CACNA1E: variants seen among roughly 807,000 people sequenced by gnomAD.
CACNA1E encodes voltage-dependent R-type calcium channel subunit alpha-1E.
CACNA1E carries 40 observed loss-of-function variants against 259.2 expected under a neutral mutation model. That is an observed-to-expected ratio of 0.15 (90% CI 0.12 to 0.20). The LOEUF (loss-of-function observed/expected upper bound fraction) is 0.20. Ranked by LOEUF, CACNA1E falls within the 10% of genes least tolerant of loss-of-function variation. The pLI is 1.00. For synonymous variants in CACNA1E, 1,104 were observed against 1,138.5 expected, an observed-to-expected ratio of 0.97 and a Z score of 0.61; for missense variants, 1,874 against 3,040.1, an observed-to-expected ratio of 0.62 and a Z score of 9.02.
intron 25 of CACNA1E, among the ~76,000 whole-genome samples, chr1:181,750,096 A>T (rs544580023): frequency 9.8e-4 from 150 of 152,402 alleles, no homozygotes; most frequent in African/African-American, 3.6e-3. Flanking sequence ...TTGTCTGAAG[A>T]CTGCATAGGA....
At chr1:181,687,884 T>C (rs2102304356) in intron 7 of CACNA1E, among the ~76,000 whole-genome samples, 1 of 152,332 alleles carries the variant, frequency 6.6e-6, no homozygotes, top group Admixed American at 6.5e-5. Flanking sequence ...GAGTCAGAAC[T>C]TGAAACCACC....
chr1:181,438,121 C>T (rs1660212954), intron 2 of CACNA1E, among the ~76,000 whole-genome samples: 1 of 152,130 alleles, frequency 6.6e-6, no homozygotes, highest in South Asian at 2.1e-4. Context: ...GAATGGTGGC[C>T]ATACTCCCTT....
chr1:181,481,305 T>C (rs969461107), upstream of CACNA1E, among the ~76,000 whole-genome samples: 4 of 151,634 alleles, frequency 2.6e-5, no homozygotes, highest in African/African-American at 9.7e-5. Context: ...GTTGAGACCA[T>C]TCCTTTGGAT....
chr1:181,772,868 T>C (rs191501166), intron 37 of CACNA1E, among the ~76,000 whole-genome samples: 31 of 152,326 alleles, frequency 2.0e-4, no homozygotes, highest in African/African-American at 7.5e-4. Flanking sequence ...TACCCACCTA[T>C]AAAGTGGTGG....
At position 181,799,021 on chromosome 1, in the gene CACNA1E, C is replaced by A. The variant is rs1454964367; in HGVS notation, c.*187C>A. The A allele has an allele frequency of 2.0e-6, 1 of 509,924 alleles. No homozygotes were observed. Among genetic ancestry groups the A allele is most frequent in the Non-Finnish European group, 3.3e-6 (1 of 302,974 alleles). 31.6% of individuals were successfully genotyped at this position (509,924 alleles called of 1,614,324 possible). A position where few individuals can be genotyped will look rare whatever the true frequency, so the allele number is the denominator to read the frequency against. On this transcript the variant is annotated 3_prime_UTR_variant, in exon 48 of 48. Transcript: ENST00000367573. ...GTCAAACCCACCAAATTGCTTTATT[C>A]CCCTTTGCAAGATGGGCACTGCCAT... is the stretch of plus-strand genomic sequence containing the variant.
intron 6 of CACNA1E, among the ~76,000 whole-genome samples, chr1:181,602,156 A>G (rs1439698003): frequency 6.6e-6 from 1 of 152,174 alleles, no homozygotes; most frequent in Non-Finnish European, 1.5e-5. Context: ...ATCACTAGCG[A>G]CCACAGTATA....
chr1:181,352,390 G>A (rs1653105512), intron 1 of CACNA1E, among the ~76,000 whole-genome samples: 1 of 152,114 alleles, frequency 6.6e-6, no homozygotes, highest in Non-Finnish European at 1.5e-5. Flanking sequence ...TTAGTTCTGA[G>A]TTACTTGTTG....
chr1:181,433,742 CTT>C (rs1659879143), intron 2 of CACNA1E, among the ~76,000 whole-genome samples: 1 of 152,112 alleles, frequency 6.6e-6, no homozygotes, highest in Admixed American at 6.5e-5. Flanking sequence ...ATTTCTTTCA[CTT>C]TTCATTATAC....
chr1:181,589,606 C>T (rs755369065), intron 6 of CACNA1E, among the ~76,000 whole-genome samples: 4 of 152,116 alleles, frequency 2.6e-5, no homozygotes, highest in Admixed American at 6.5e-5. Flanking sequence ...GTAGTCCCAG[C>T]TACCTGGAAG....
chr1:181,771,272 T>C, intron 35 of CACNA1E, 21 bp from the exon 36 acceptor site: 1 of 1,379,642 alleles, frequency 7.2e-7, no homozygotes, highest in Non-Finnish European at 1.0e-6. Context: ...CTCACTGTTT[T>C]CTGTTGTTTC....
At chr1:181,711,827 G>T (rs544425063) in intron 8 of CACNA1E, among the ~76,000 whole-genome samples, 84 of 152,274 alleles carry the variant, frequency 5.5e-4, no homozygotes, top group Admixed American at 4.3e-3. Flanking sequence ...CAGCTGTCAT[G>T]GGGGAAGTGG....
chr1:181,764,784 CT>C (rs201508868), intron 34 of CACNA1E, among the ~76,000 whole-genome samples: 9,425 of 148,344 alleles, frequency 0.064, 351 homozygotes, highest in East Asian at 0.19. Flanking sequence ...CTTTTAAAAC[CT>C]TTTTTTTTTA....
At chr1:181,344,204 T>C (rs1220881674) in intron 1 of CACNA1E, among the ~76,000 whole-genome samples, 1 of 152,192 alleles carries the variant, frequency 6.6e-6, no homozygotes, top group Non-Finnish European at 1.5e-5. Context: ...AACAGTTGGG[T>C]CCTGTTCACA....
At chr1:181,761,440 G>T (rs1425226294) in intron 32 of CACNA1E, among the ~76,000 whole-genome samples, 1 of 152,198 alleles carries the variant, frequency 6.6e-6, no homozygotes, top group Non-Finnish European at 1.5e-5. Flanking sequence ...CCTAGTGTCT[G>T]GCTCATGTAG....
At chr1:181,785,856 G>A in intron 43 of CACNA1E, 37 bp downstream of exon 43, 1 of 1,359,648 alleles carries the variant, frequency 7.4e-7, no homozygotes, top group Non-Finnish European at 1.0e-6. Context: ...ATGGCTGTTT[G>A]CAATCTGTCA....
Position 181,758,630 on chromosome 1 carries a change from C to G in CACNA1E, c.4495-128C>G. 1 of 584,738 alleles carries G rather than the reference C, an allele frequency of 1.7e-6. No individual in the cohort carries two copies. Among genetic ancestry groups the G allele is most frequent in the Non-Finnish European group, 3.0e-6 (1 of 328,220 alleles). The allele number at this position is 584,738 out of a possible 1,614,324, so 36.2% of individuals were successfully genotyped here. A position where few individuals can be genotyped will look rare whatever the true frequency, so the allele number is the denominator to read the frequency against. ...CCTCTCCAGCACTCGAAGTCCATCTCTCCTCCTGTACCACACACCAGAGTG... is the reference window on the plus strand; with the variant it reads ...CCTCTCCAGCACTCGAAGTCCATCTGTCCTCCTGTACCACACACCAGAGTG... On this transcript the variant is annotated intron_variant, in intron 31 of 47. Transcript: ENST00000367573. This position sits in a 1 kb window ranked among gnomAD's most constrained non-coding sequence, Gnocchi z 4.2.
chr1:181,683,448 A>G (rs1291414654), intron 7 of CACNA1E, among the ~76,000 whole-genome samples: 4 of 152,032 alleles, frequency 2.6e-5, no homozygotes. Flanking sequence ...TTCTTCTTTT[A>G]TTTTAGGTTC....
At chr1:181,390,097 C>T (rs631226) in intron 1 of CACNA1E, among the ~76,000 whole-genome samples, 74,740 of 151,956 alleles carry the variant, frequency 0.49, 18,993 homozygotes, top group African/African-American at 0.63. Context: ...GTGTGATTGA[C>T]TGCTGTTCTT....
intron 1 of CACNA1E, among the ~76,000 whole-genome samples, chr1:181,486,437 T>C (rs1036187514): frequency 1.3e-5 from 2 of 152,266 alleles, no homozygotes; most frequent in Non-Finnish European, 2.9e-5. Context: ...CGTGGAAACA[T>C]TGGGCTTCCG....
Sources: gnomAD v4.1 joint callset for allele counts (sites outside exome capture counted in the v4.1 genomes callset) on GRCh38, gnomAD v4.1.1 for gene constraint, Gnocchi (gnomAD v3.1) non-coding constraint, MANE v1.5 for transcripts, NCBI Gene and HGNC (gene_info 2026-07-23, HGNC 2026-07-21) for gene names.